The following OR4M2B variants were observed in gnomAD, a reference collection of about 807,000 sequenced individuals.
The protein encoded by OR4M2B is olfactory receptor family 4 subfamily M member 2B.
A neutral mutation model predicts 14.3 loss-of-function variants in OR4M2B; 3 were observed. The observed-to-expected ratio is 0.21, with a 90% confidence interval of 0.10 to 0.54. The LOEUF is 0.54. Among genes scored for constraint, OR4M2B ranks in the 20% least tolerant of loss-of-function variants. The pLI is 0.94. For synonymous variants in OR4M2B, 21 were observed against 122.0 expected, an observed-to-expected ratio of 0.17 and a Z score of 5.45; for missense variants, 50 against 329.5, an observed-to-expected ratio of 0.15 and a Z score of 6.57.
chr15:21,638,284 C>A lies in OR4M2B; in HGVS notation c.278C>A (p.Ser93Tyr), dbSNP rs1888708683. The A allele has an allele frequency of 5.8e-6, 9 of 1,553,588 alleles. 2 individuals are homozygous for A. Among genetic ancestry groups the A allele is most frequent in the Middle Eastern group, 1.7e-4 (1 of 5,890 alleles). ...TTCTTTGTGGAGAGGAAGATAATTT[C>A]TTTTGATGAATGCATTGCACAGCTC... The change falls in exon 1 of 1, where the codon TCT becomes TAT. Residue 93 changes from serine to tyrosine, a missense_variant. Transcript: ENST00000332663.
At position 21,638,399 on chromosome 15, in the gene OR4M2B, C is replaced by G. The variant is rs1888712067; in HGVS notation, c.393C>G (p.His131Gln). ...ACACTGCTATCTGCCGACCCCTCCA[C>G]TATGCTACCATCATGAATCAACGTC... is the stretch of plus-strand genomic sequence containing the variant. Residue 131 changes from histidine (H) to glutamine (Q), a missense_variant, in exon 1 of 1, where the codon CAC becomes CAG. Transcript: ENST00000332663. 3 of 1,409,454 alleles carry G rather than the reference C, an allele frequency of 2.1e-6. 1 individual carries two copies. The highest frequency in any genetic ancestry group is 2.4e-5 in the South Asian group (2 of 84,208). 87.3% of individuals were successfully genotyped at this position (1,409,454 alleles called of 1,614,324 possible). A position where few individuals can be genotyped will look rare whatever the true frequency, so the allele number is the denominator to read the frequency against.
exon 1 of OR4M2B, chr15:21,638,328 G>A: frequency 6.5e-7 from 1 of 1,550,104 alleles, no homozygotes; most frequent in Admixed American, 1.7e-5. Context: ...ACACTTTGCT[G>A]GGGCTTCAGA....
chr15:21,637,974 A>G, exon 1 of OR4M2B: 1 of 409,504 alleles, frequency 2.4e-6, no homozygotes, highest in Non-Finnish European at 3.9e-6. Flanking sequence ...CTTAATTTTC[A>G]TAGCTATATT....
At chr15:21,638,256 G>C in exon 1 of OR4M2B, 1 of 1,522,216 alleles carries the variant, frequency 6.6e-7, no homozygotes, top group Non-Finnish European at 8.9e-7. Context: ...AATGCTCATA[G>C]ACTTCTTTGT....
exon 1 of OR4M2B, chr15:21,638,133 A>G: frequency 1.2e-6 from 1 of 843,740 alleles, no homozygotes; most frequent in South Asian, 1.5e-5. Flanking sequence ...ACCAGGAAAT[A>G]TCCTTATCAT....
exon 1 of OR4M2B, chr15:21,638,371 T>G (rs1456027330): frequency 3.3e-6 from 5 of 1,526,116 alleles, no homozygotes; most frequent in Non-Finnish European, 3.5e-6. Flanking sequence ...GCCTTTGACC[T>G]CTACACTGCT....
exon 1 of OR4M2B, chr15:21,638,550 A>T: frequency 8.6e-7 from 1 of 1,169,584 alleles, no homozygotes; most frequent in Non-Finnish European, 1.2e-6. Flanking sequence ...CTGTGACATC[A>T]CACAGGTTGT....
exon 1 of OR4M2B, chr15:21,638,081 A>C (rs1196303112): frequency 1.2e-5 from 8 of 692,580 alleles, no homozygotes; most frequent in Non-Finnish European, 1.6e-5. Flanking sequence ...AGGTCCAACT[A>C]GTCCTATTTG....
At chr15:21,638,556 G>C (rs1888715496) in exon 1 of OR4M2B, 1 of 1,156,598 alleles carries the variant, frequency 8.6e-7, no homozygotes, top group Admixed American at 2.0e-5. Flanking sequence ...CATCACACAG[G>C]TTGTCCGGAT....
chr15:21,638,049 A>G, exon 1 of OR4M2B: 1 of 572,412 alleles, frequency 1.7e-6, no homozygotes, highest in Non-Finnish European at 2.8e-6. Context: ...ATTTGTTCTC[A>G]CTGGCCTATC....
Position 21,638,297 on chromosome 15 carries a change from C to T in OR4M2B, c.291C>T (p.Cys97=), listed in dbSNP as rs1254811265. Residue 97 remains cysteine, a synonymous_variant, in exon 1 of 1, where the codon TGC becomes TGT. Coordinates refer to ENST00000332663, the Ensembl canonical transcript of OR4M2B. ...GGAAGATAATTTCTTTTGATGAATG[C>T]ATTGCACAGCTCTTCTTCTTACACT... 35 of 1,556,130 alleles carry T rather than the reference C, an allele frequency of 2.2e-5. 8 individuals carry two copies. Among genetic ancestry groups the T allele is most frequent in the Non-Finnish European group, 3.0e-5 (34 of 1,149,852 alleles).
At chr15:21,638,611 G>C in exon 1 of OR4M2B, 1 of 1,067,832 alleles carries the variant, frequency 9.4e-7, no homozygotes, top group Non-Finnish European at 1.4e-6. Flanking sequence ...ATGATCTGTA[G>C]TAGTGGTCTG....
chr15:21,637,978 C>T, exon 1 of OR4M2B: 1 of 418,612 alleles, frequency 2.4e-6, no homozygotes. Flanking sequence ...ATTTTCATAG[C>T]TATATTATGA....
rs1171508213 is a variant in OR4M2B at position 21,638,058 on chromosome 15, TC to T, written c.55del (p.Gln19ArgfsTer7). The T allele has an allele frequency of 1.2e-4, 72 of 618,048 alleles. 5 individuals are homozygous for T. The highest frequency in any genetic ancestry group is 1.6e-4 in the Non-Finnish European group (64 of 393,022). The allele number at this position is 618,048 out of a possible 1,614,324, so 38.3% of individuals were successfully genotyped here. A position where few individuals can be genotyped will look rare whatever the true frequency, so the allele number is the denominator to read the frequency against. On this transcript the variant is annotated frameshift_variant, in exon 1 of 1. Transcript: ENST00000332663. LOFTEE classifies it high-confidence loss of function. ...GACAGAATTTGTTCTCACTGGCCTA[TC>T]CCAGACTCCAGAGGTCCAACTAGTC...
Position 21,638,697 on chromosome 15 carries a change from T to C in OR4M2B, c.691T>C (p.Ser231Pro). The C allele has an allele frequency of 2.8e-6, 3 of 1,071,922 alleles. 1 individual carries two copies. The highest frequency in any genetic ancestry group is 3.8e-6 in the Non-Finnish European group (3 of 780,018). 66.4% of individuals were successfully genotyped at this position (1,071,922 alleles called of 1,614,324 possible). A position where few individuals can be genotyped will look rare whatever the true frequency, so the allele number is the denominator to read the frequency against. The stretch of plus-strand genomic sequence containing the variant: ...GGCCTTGCTCAAGAAACTTTCAGGC[T>C]CAGGTGAGAATACCAACAGGGCCGT... The change falls in exon 1 of 1, where the codon TCA (serine) becomes CCA (proline). Residue 231 changes from serine (S) to proline (P), a missense_variant. Transcript: ENST00000332663.
exon 1 of OR4M2B, chr15:21,638,361 G>T: frequency 6.5e-7 from 1 of 1,539,000 alleles, no homozygotes; most frequent in Admixed American, 1.7e-5. Flanking sequence ...CACAGTGATG[G>T]CCTTTGACCT....
In OR4M2B at chr15:21,638,301, G is replaced by T. The variant is rs1260910642; in HGVS notation, c.295G>T (p.Ala99Ser). The change falls in exon 1 of 1, where the codon GCA (alanine) becomes TCA (serine). Residue 99 changes from alanine (A) to serine (S), a missense_variant. Physicochemically the swap from Ala to Ser is moderately conservative, Grantham distance 99 (BLOSUM62 1). Transcript: ENST00000332663. The stretch of plus-strand genomic sequence containing the variant: ...GATAATTTCTTTTGATGAATGCATT[G>T]CACAGCTCTTCTTCTTACACTTTGC... 2.6e-6 allele frequency: 4 copies of T among 1,556,602 alleles called. No individual in the cohort carries two copies. The Admixed American group carries it at 5.1e-5, about 20-fold the overall frequency.
At position 21,638,402 on chromosome 15, in the gene OR4M2B, TG is replaced by T. The variant is rs1888712220; in HGVS notation, c.397del (p.Ala133LeufsTer4). The T allele has an allele frequency of 1.4e-6, 2 of 1,407,114 alleles. 1 individual carries two copies. The highest frequency in any genetic ancestry group is 2.4e-5 in the South Asian group (2 of 83,922). 87.2% of individuals were successfully genotyped at this position (1,407,114 alleles called of 1,614,324 possible). A position where few individuals can be genotyped will look rare whatever the true frequency, so the allele number is the denominator to read the frequency against. On this transcript the variant is annotated frameshift_variant, in exon 1 of 1. Transcript: ENST00000332663. LOFTEE classifies it high-confidence loss of function. ...CTGCTATCTGCCGACCCCTCCACTA[TG>T]CTACCATCATGAATCAACGTCTCTG...
chr15:21,637,960 G>T, exon 1 of OR4M2B: 1 of 393,964 alleles, frequency 2.5e-6, no homozygotes, highest in Non-Finnish European at 4.1e-6. Context: ...ACTAATTATA[G>T]TTTCTTAATT....
Sources: gnomAD v4.1 joint callset for allele counts on GRCh38, gnomAD v4.1.1 for gene constraint, MANE v1.5 for transcripts, NCBI Gene and HGNC (gene_info 2026-07-23, HGNC 2026-07-21) for gene names.